ZZEF1: variants seen among roughly 807,000 people sequenced by gnomAD.
ZZEF1 encodes the protein zinc finger ZZ-type and EF-hand domain containing 1, also known as zinc finger ZZ-type and EF-hand domain-containing protein 1.
Under a neutral mutation model 342.8 loss-of-function variants are expected in ZZEF1, and 157 were observed. That is an observed-to-expected ratio of 0.46 (90% CI 0.40 to 0.52). ZZEF1 has a LOEUF of 0.52. Among genes scored for constraint, ZZEF1 ranks in the 20% least tolerant of loss-of-function variants. ZZEF1 has a pLI of 0.00. For synonymous variants in ZZEF1, 1,505 were observed against 1,429.1 expected (o/e 1.05, Z -1.20); for missense variants, 3,480 against 3,725.6 (o/e 0.93, Z 1.72).
At position 4,114,243 on chromosome 17, in the gene ZZEF1, TAAG is replaced by T. The variant is rs2058358632; in HGVS notation, c.866+53_866+55del. The T allele has an allele frequency of 4.4e-6, 6 of 1,365,512 alleles. No individual in the cohort carries two copies. In the South Asian group the frequency reaches 5.9e-5, roughly 13 times the overall value. The allele number at this position is 1,365,512 out of a possible 1,614,324, so 84.6% of individuals were successfully genotyped here. On this transcript the variant is annotated intron_variant, in intron 4 of 54. Transcript: ENST00000381638. The stretch of plus-strand genomic sequence containing the variant: ...ACTTAAAATACAAAGAGTAGGCAGT[TAAG>T]AAGAAAACAATCCAAAATTTTAAAA...
At chr17:4,095,794 T>C in intron 11 of ZZEF1, 37 bp downstream of exon 11, 1 of 1,575,068 alleles carries the variant, frequency 6.3e-7, no homozygotes, top group Non-Finnish European at 8.6e-7. Flanking sequence ...TTTTGTTCTG[T>C]AGATCTTTGT....
intron 11 of ZZEF1, among the ~76,000 whole-genome samples, chr17:4,095,381 G>A (rs1019568348): frequency 1.3e-5 from 2 of 152,178 alleles, no homozygotes; most frequent in Admixed American, 1.3e-4. Flanking sequence ...TGTCTTCTGA[G>A]CTAAACAGTA....
chr17:4,136,207 G>A (rs539405709), intron 1 of ZZEF1, among the ~76,000 whole-genome samples: 2 of 151,006 alleles, frequency 1.3e-5, no homozygotes, highest in South Asian at 2.1e-4. Context: ...AGCCAGACAT[G>A]GGGGCAGGTG....
chr17:4,135,668 G>A (rs1422138150), intron 1 of ZZEF1, among the ~76,000 whole-genome samples: 2 of 152,130 alleles, frequency 1.3e-5, no homozygotes, highest in Admixed American at 6.5e-5. Context: ...GGGCCATTCA[G>A]AACACATCTA....
In ZZEF1 at chr17:4,024,193, T is replaced by TTTG. The variant is rs1364141899; in HGVS notation, c.7092+725_7092+726insCAA. ...ATGCCAAATATTGCCCAGGTTTTTT[T>TTTG]TTTTTTTTTTTTTTTTTTTTTACAG... On this transcript the variant is annotated intron_variant, in intron 43 of 54. Transcript: ENST00000381638. 7.1e-3 allele frequency among the ~76,000 whole-genome samples: 913 copies of TTTG among 129,444 alleles called. 38 individuals are homozygous for TTTG. The highest frequency in any genetic ancestry group is 0.031 in the African/African-American group (856 of 27,990). 84.9% of individuals were successfully genotyped at this position (129,444 alleles called of 152,430 possible).
intron 14 of ZZEF1, among the ~76,000 whole-genome samples, 156 bp downstream of exon 14, chr17:4,087,278 T>G (rs916976106): frequency 1.3e-5 from 2 of 152,290 alleles, no homozygotes; most frequent in Middle Eastern, 3.4e-3. Flanking sequence ...TATAGAAATC[T>G]GAGGTGTTAT....
intron 28 of ZZEF1, 25 bp from the exon 29 acceptor site, chr17:4,064,854 T>TG (rs1555595473): frequency 3.4e-6 from 4 of 1,172,018 alleles, no homozygotes; most frequent in African/African-American, 3.5e-5. Flanking sequence ...GAATCATAAT[T>TG]GAAAAAAAAA....
intron 23 of ZZEF1, 77 bp from the exon 24 acceptor site, chr17:4,074,428 G>A (rs2057569275): frequency 7.8e-6 from 11 of 1,416,312 alleles, no homozygotes; most frequent in Admixed American, 5.1e-5. Context: ...TCTTCATGAC[G>A]AGAAACATCT....
intron 31 of ZZEF1, 137 bp downstream of exon 31, chr17:4,059,034 T>C (rs2145204298): frequency 1.5e-6 from 1 of 665,924 alleles, no homozygotes; most frequent in East Asian, 3.2e-5. Flanking sequence ...TGATTAGCTC[T>C]CTAGGTGGTA....
chr17:4,124,700 C>T (rs984598908), intron 1 of ZZEF1, among the ~76,000 whole-genome samples: 33 of 151,816 alleles, frequency 2.2e-4, no homozygotes, highest in East Asian at 1.9e-4. Flanking sequence ...TCAGGTGATC[C>T]GCCCACCTCA....
rs545775222 is a variant in ZZEF1, at chr17:4,016,004, C to T, written c.8145+319G>A. Among the ~76,000 whole-genome samples, 1 of 152,366 alleles carries T rather than the reference C, an allele frequency of 6.6e-6. No homozygotes were observed. Among genetic ancestry groups the T allele is most frequent in the East Asian group, 1.9e-4 (1 of 5,186 alleles). ...CCAACCTGGACCACATTCAGACTCA[C>T]TGTCTCACTGTGAAGCCAAGGACTC... On this transcript the variant is annotated intron_variant, in intron 49 of 54. Transcript: ENST00000381638. The surrounding 1 kb of genome is among the most constrained non-coding windows in gnomAD (Gnocchi z 4.4).
At chr17:4,080,505 A>G (rs2057702942) in intron 18 of ZZEF1, among the ~76,000 whole-genome samples, 1 of 152,038 alleles carries the variant, frequency 6.6e-6, no homozygotes, top group Non-Finnish European at 1.5e-5. Flanking sequence ...ACGCCCAGCT[A>G]ATTTTATATT....
chr17:4,113,256 G>A (rs538367553), intron 4 of ZZEF1, among the ~76,000 whole-genome samples: 80 of 152,230 alleles, frequency 5.3e-4, no homozygotes, highest in Admixed American at 8.5e-4. Context: ...TGAGGGGAGA[G>A]GTGAAAATTT....
intron 6 of ZZEF1, among the ~76,000 whole-genome samples, chr17:4,106,640 G>A (rs1307303654): frequency 6.6e-6 from 1 of 152,066 alleles, no homozygotes; most frequent in Admixed American, 6.6e-5. Context: ...CTGTTTTAGT[G>A]TTTCCCTTTT....
Position 4,086,582 on chromosome 17 carries a change from C to T in ZZEF1, c.2416G>A (p.Gly806Arg), listed in dbSNP as rs768436469. 6.2e-6 allele frequency: 10 copies of T among 1,614,096 alleles called. No individual in the cohort carries two copies. The highest frequency in any genetic ancestry group is 1.1e-5 in the South Asian group (1 of 91,088). ...TCCTCAGAAGCAGCCAGTACATCTC[C>T]CTGCAGCACAGAGAAGCAGCTCTGG... is the stretch of plus-strand genomic sequence containing the variant. Reference protein sequence around the residue: ...LLQSCFSVLQGDVLAASEEEK... With the variant: ...LLQSCFSVLQRDVLAASEEEK... The change falls in exon 15 of 55, where the codon GGA becomes AGA. Residue 806 changes from glycine (G) to arginine (R), a missense_variant. By Grantham distance (125) the Gly-to-Arg change is moderately radical. Transcript: ENST00000381638.
intron 28 of ZZEF1, among the ~76,000 whole-genome samples, chr17:4,066,118 A>G (rs1382381747): frequency 1.3e-5 from 2 of 152,132 alleles, no homozygotes; most frequent in East Asian, 3.9e-4. Flanking sequence ...AGTGAGCTAT[A>G]TGACTGAACC....
intron 40 of ZZEF1, chr17:4,033,333 CT>C: frequency 4.7e-6 from 1 of 213,414 alleles, no homozygotes. Flanking sequence ...GTCAGGGTGA[CT>C]TTTTTCCTTC....
Position 4,123,918 on chromosome 17 carries a change from G to A in ZZEF1, c.488C>T (p.Ser163Phe). The A allele has an allele frequency of 6.2e-7, 1 of 1,613,688 alleles. No individual in the cohort carries two copies. Among genetic ancestry groups the A allele is most frequent in the Non-Finnish European group, 8.5e-7 (1 of 1,179,900 alleles). ...SHIIRQLQACSLVPGFTDIFS... is the reference protein window; with the variant it reads ...SHIIRQLQACFLVPGFTDIFS... Reference sequence around the variant, plus strand: ...GATGGAAGCCTCACCTGGAACCAGAGAGCAGGCCTGTAGTTGTCTGATGAT... The same window carrying A: ...GATGGAAGCCTCACCTGGAACCAGAAAGCAGGCCTGTAGTTGTCTGATGAT... Residue 163 changes from serine (S) to phenylalanine (F), a missense_variant, in exon 2 of 55, where the codon TCT becomes TTT. Coordinates refer to ENST00000381638, the MANE Select transcript of ZZEF1 (RefSeq NM_015113.4).
chr17:4,092,113 TAAG>T (rs1357149413), intron 11 of ZZEF1, among the ~76,000 whole-genome samples: 8 of 148,324 alleles, frequency 5.4e-5, no homozygotes, highest in African/African-American at 9.9e-5. Context: ...TATAAATAAA[TAAG>T]AAGGAGAAAA....
Sources: allele counts gnomAD v4.1 joint callset (sites outside exome capture counted in the v4.1 genomes callset), GRCh38; gene constraint gnomAD v4.1.1; non-coding constraint Gnocchi (gnomAD v3.1); transcripts MANE v1.5; gene names NCBI Gene and HGNC (gene_info 2026-07-23, HGNC 2026-07-21).